TEX11: variants seen among roughly 807,000 people sequenced by gnomAD.
TEX11 encodes the protein testis-expressed protein 11.
In TEX11, 7 loss-of-function variants were observed where a neutral mutation model predicts 84.4. The observed-to-expected ratio is 0.08, with a 90% CI of 0.05 to 0.16. TEX11 has a LOEUF of 0.16. Among genes scored for constraint, TEX11 ranks in the 10% least tolerant of loss-of-function variants. The probability of loss-of-function intolerance (pLI) is 1.00; values close to 1 mark genes in which losing one functional copy is unlikely to be tolerated. For synonymous variants in TEX11, 264 were observed against 222.8 expected (o/e 1.18, Z -1.64); for missense variants, 551 against 660.5 (o/e 0.83, Z 1.82).
intron 13 of TEX11, among the ~76,000 whole-genome samples, chrX:70,708,283 A>G (rs981476786): frequency 1.8e-5 from 2 of 111,743 alleles, no homozygotes; most frequent in Admixed American, 1.9e-4. Flanking sequence ...GCTATTATTA[A>G]AAAGTCAGAA....
intron 2 of TEX11, among the ~76,000 whole-genome samples, chrX:70,889,532 T>C (rs934670405): frequency 8.9e-6 from 1 of 111,861 alleles, no homozygotes; most frequent in Non-Finnish European, 1.9e-5. Flanking sequence ...TGTAAACTAC[T>C]CTAAGTAGAA....
At chrX:70,694,154 C>T (rs891193490) in intron 13 of TEX11, among the ~76,000 whole-genome samples, 1 of 111,022 alleles carries the variant, frequency 9.0e-6, no homozygotes, top group Admixed American at 9.6e-5. Context: ...AAGTGATTCT[C>T]CTGCCTCAGC....
At chrX:70,540,058 A>G (rs1055657342) in intron 28 of TEX11, among the ~76,000 whole-genome samples, 2 of 111,925 alleles carry the variant, frequency 1.8e-5, no homozygotes, top group Non-Finnish European at 3.8e-5. Flanking sequence ...TTGCTAAAGC[A>G]GGTCAGAGAA....
intron 13 of TEX11, among the ~76,000 whole-genome samples, chrX:70,719,658 TCAAA>T (rs1485694994): frequency 9.0e-6 from 1 of 111,417 alleles, no homozygotes; most frequent in African/African-American, 3.3e-5. Flanking sequence ...TACAAAGAAC[TCAAA>T]CAAATTTACA....
chrX:70,870,868 C>G (rs61211309), intron 4 of TEX11, among the ~76,000 whole-genome samples: 1,942 of 111,346 alleles, frequency 0.017, 43 homozygotes, highest in African/African-American at 0.06. Context: ...AATGGAAGGG[C>G]CTGGGCATCT....
At chrX:70,873,514 T>A (rs377453668) in intron 3 of TEX11, among the ~76,000 whole-genome samples, 4 of 111,601 alleles carry the variant, frequency 3.6e-5, no homozygotes, top group African/African-American at 1.3e-4. Flanking sequence ...TTCATTCCTA[T>A]CAATGTGTCT....
rs182570543 is a variant in TEX11 at position 70,763,969 on chromosome X, A to G, written c.693-19750T>C. ...AAAAGAAGCATCAGACTTAATTTGC[A>G]CTATAGAACATATGGATCTAATGGA... On this transcript the variant is annotated intron_variant, in intron 9 of 29. Transcript: ENST00000374333. 2.4e-4 allele frequency among the ~76,000 whole-genome samples: 27 copies of G among 112,366 alleles called. No individual in the cohort carries two copies. The East Asian group carries it at 7.2e-3, about 30-fold the overall frequency.
intron 25 of TEX11, among the ~76,000 whole-genome samples, chrX:70,586,996 C>T (rs1489731069): frequency 8.9e-6 from 1 of 112,140 alleles, no homozygotes; most frequent in African/African-American, 3.2e-5. Flanking sequence ...TTCTTGGGAA[C>T]TGGAGCAAAG....
chrX:70,604,742 T>TA (rs1158009974), intron 24 of TEX11, among the ~76,000 whole-genome samples: 1 of 111,129 alleles, frequency 9.0e-6, no homozygotes, highest in Non-Finnish European at 1.9e-5. Flanking sequence ...ATCTAGATCT[T>TA]AAAAATCATA....
At position 70,748,026 on chromosome X, in the gene TEX11, G is replaced by A. The variant is rs139378031; in HGVS notation, c.693-3807C>T. Among the ~76,000 whole-genome samples the A allele has an allele frequency of 3.2e-3, 350 of 109,471 alleles. 4 individuals are homozygous for A. Among genetic ancestry groups the A allele is most frequent in the African/African-American group, 0.011 (331 of 30,133 alleles). Reference sequence around the variant, plus strand: ...AACTAACCTGAAGAGCAATAGAAACGATACAAATCTGAGGAACAAACAGAA... The same window carrying A: ...AACTAACCTGAAGAGCAATAGAAACAATACAAATCTGAGGAACAAACAGAA... On this transcript the variant is annotated intron_variant, in intron 9 of 29. Coordinates refer to ENST00000374333, the MANE Select transcript of TEX11 (RefSeq NM_031276.3).
intron 13 of TEX11, among the ~76,000 whole-genome samples, chrX:70,721,385 C>A (rs2090557934): frequency 1.8e-5 from 2 of 111,194 alleles, no homozygotes; most frequent in Admixed American, 9.6e-5. Context: ...GTTTCAAATT[C>A]TTTTTGGAAG....
In TEX11 at chrX:70,907,877, G is replaced by A. The variant is rs1020045874; in HGVS notation, c.-21-67C>T. The stretch of plus-strand genomic sequence containing the variant: ...TAGTTTCTCAACAAATTTCTTTCCA[G>A]TGAAATGTTTCCCGTTACTTGTTAT... On this transcript the variant is annotated intron_variant, in intron 1 of 29. Transcript: ENST00000374333. 5.5e-6 allele frequency: 4 copies of A among 727,834 alleles called. No homozygotes were observed. In the South Asian group the frequency reaches 1.0e-4, roughly 18 times the overall value. The allele number at this position is 727,834 out of a possible 1,213,427, so 60.0% of individuals were successfully genotyped here. A position where few individuals can be genotyped will look rare whatever the true frequency, so the allele number is the denominator to read the frequency against.
chrX:70,629,838 C>A, intron 17 of TEX11, 103 bp from the exon 18 acceptor site: 1 of 658,461 alleles, frequency 1.5e-6, no homozygotes, highest in Non-Finnish European at 2.2e-6. Context: ...ATTTTAAGAA[C>A]ATTTTTAAAA....
intron 28 of TEX11, among the ~76,000 whole-genome samples, chrX:70,539,735 T>G (rs2088016608): frequency 9.0e-6 from 1 of 111,614 alleles, no homozygotes; most frequent in South Asian, 3.8e-4. Flanking sequence ...ACATTATACA[T>G]AAAACAAACA....
intron 25 of TEX11, among the ~76,000 whole-genome samples, chrX:70,584,338 A>C (rs1260139645): frequency 8.9e-6 from 1 of 111,932 alleles, no homozygotes; most frequent in Non-Finnish European, 1.9e-5. Flanking sequence ...CAAATTACTA[A>C]ATTGACTTTA....
At chrX:70,550,499 A>G (rs2088198247) in intron 28 of TEX11, among the ~76,000 whole-genome samples, 1 of 112,059 alleles carries the variant, frequency 8.9e-6, no homozygotes, top group Admixed American at 9.5e-5. Flanking sequence ...TACCCCTCTG[A>G]TAAGGGATTA....
At chrX:70,685,012 A>G (rs1162714895) in intron 13 of TEX11, among the ~76,000 whole-genome samples, 1 of 112,013 alleles carries the variant, frequency 8.9e-6, no homozygotes, top group African/African-American at 3.2e-5. Flanking sequence ...CCAAGTATAT[A>G]TAGCCAACTA....
At chrX:70,525,578 C>T (rs949990906), downstream of TEX11, among the ~76,000 whole-genome samples, 1 of 96,144 alleles carries the variant, frequency 1.0e-5, no homozygotes, top group Non-Finnish European at 2.0e-5. Context: ...CAGAGCAGGA[C>T]CCTATCTCAA....
chrX:70,693,623 A>AG (rs1327466146), intron 13 of TEX11, among the ~76,000 whole-genome samples: 1 of 109,807 alleles, frequency 9.1e-6, no homozygotes, highest in Non-Finnish European at 1.9e-5. Flanking sequence ...GGCTGGGGTG[A>AG]GGGGTGGGTA....
Sources: gnomAD v4.1 joint callset for allele counts (sites outside exome capture counted in the v4.1 genomes callset) on GRCh38, gnomAD v4.1.1 for gene constraint, MANE v1.5 for transcripts, NCBI Gene and HGNC (gene_info 2026-07-23, HGNC 2026-07-21) for gene names.